The following NRXN1 variants were observed in gnomAD, a reference collection of about 807,000 sequenced individuals.
The protein encoded by NRXN1 is neurexin-1.
NRXN1 carries 39 observed loss-of-function variants against 150.9 expected under a neutral mutation model. The observed-to-expected ratio is 0.26, with a 90% CI of 0.20 to 0.34. NRXN1 has a LOEUF of 0.34. Among genes scored for constraint, NRXN1 ranks in the 10% least tolerant of loss-of-function variants. NRXN1 has a pLI of 1.00. For missense variants in NRXN1, 1,815 were observed against 1,949.9 expected, an observed-to-expected ratio of 0.93 and a Z score of 1.30; for synonymous variants, 924 against 757.0, an observed-to-expected ratio of 1.22 and a Z score of -3.62.
chr2:50,283,605 C>T (rs1160875154), intron 17 of NRXN1, among the ~76,000 whole-genome samples: 2 of 152,144 alleles, frequency 1.3e-5, no homozygotes, highest in Admixed American at 6.6e-5. Context: ...CATTATACTA[C>T]TCCTCAAATA....
chr2:50,963,281 G>C (rs1427272459), intron 2 of NRXN1, among the ~76,000 whole-genome samples: 4 of 151,494 alleles, frequency 2.6e-5, no homozygotes, highest in Non-Finnish European at 4.4e-5. Flanking sequence ...CACTGACTCA[G>C]ACATGGCCTT....
At chr2:50,026,483 T>C (rs888018054) in intron 21 of NRXN1, among the ~76,000 whole-genome samples, 2 of 152,186 alleles carry the variant, frequency 1.3e-5, no homozygotes, top group African/African-American at 4.8e-5. Context: ...TGTCATCAGA[T>C]CTGGCAATGT....
intron 5 of NRXN1, among the ~76,000 whole-genome samples, chr2:50,697,463 A>T (rs1302099360): frequency 2.6e-5 from 4 of 152,186 alleles, no homozygotes; most frequent in Admixed American, 2.0e-4. Flanking sequence ...AGATAGAGAA[A>T]TGGATTTTAA....
chr2:49,920,379 G>T lies in NRXN1; in HGVS notation c.*1565C>A, dbSNP rs1667987387. 6.6e-6 allele frequency: 1 copy of T among 152,526 alleles called. No homozygotes were observed. Among genetic ancestry groups the T allele is most frequent in the Non-Finnish European group, 1.5e-5 (1 of 68,018 alleles). The allele number at this position is 152,526 out of a possible 1,614,324, so 9.4% of individuals were successfully genotyped here. On this transcript the variant is annotated 3_prime_UTR_variant, in exon 23 of 23. Coordinates refer to ENST00000401669, the MANE Select transcript of NRXN1 (RefSeq NM_001330078.2). ...GATATATATATTATTTTATTAGAAA[G>T]AAAGTTTTCAATTGCAGCAGCCAGA...
chr2:50,582,903 T>A (rs1385823796), intron 8 of NRXN1, among the ~76,000 whole-genome samples: 2 of 152,130 alleles, frequency 1.3e-5, no homozygotes, highest in African/African-American at 2.4e-5. Flanking sequence ...CTTGCAAAAA[T>A]TCTAATGTCT....
intron 5 of NRXN1, among the ~76,000 whole-genome samples, chr2:50,876,892 AT>A (rs1482163555): frequency 4.0e-5 from 6 of 151,854 alleles, no homozygotes; most frequent in African/African-American, 2.4e-5. Context: ...AAAACAAAAA[AT>A]AATCTGATTC....
chr2:50,836,312 AT>A (rs1672095613), intron 5 of NRXN1, among the ~76,000 whole-genome samples: 2 of 152,170 alleles, frequency 1.3e-5, no homozygotes, highest in South Asian at 2.1e-4. Flanking sequence ...TATACTTACC[AT>A]TTTTTTGTGG....
intron 1 of NRXN1, among the ~76,000 whole-genome samples, chr2:51,030,649 A>G (rs1413527867): frequency 6.6e-6 from 1 of 152,134 alleles, no homozygotes; most frequent in Non-Finnish European, 1.5e-5. Flanking sequence ...ATTATGGCTG[A>G]TACATTCCAC....
chr2:50,659,649 T>C (rs1300267621), intron 5 of NRXN1, among the ~76,000 whole-genome samples: 1 of 151,862 alleles, frequency 6.6e-6, no homozygotes, highest in African/African-American at 2.4e-5. Flanking sequence ...TTCTGTACAG[T>C]GTAAGTTGAA....
At chr2:50,590,676 G>T (rs1167259135) in intron 8 of NRXN1, among the ~76,000 whole-genome samples, 1 of 152,134 alleles carries the variant, frequency 6.6e-6, no homozygotes, top group Non-Finnish European at 1.5e-5. Context: ...ATAAAAGAGA[G>T]CCCAGAGAGC....
At chr2:50,615,178 C>G (rs1277174904) in intron 8 of NRXN1, among the ~76,000 whole-genome samples, 2 of 152,144 alleles carry the variant, frequency 1.3e-5, no homozygotes, top group East Asian at 3.9e-4. Flanking sequence ...AGTGGGACTT[C>G]ATTCCCCTTA....
chr2:50,336,181 G>A (rs551916318), intron 17 of NRXN1, among the ~76,000 whole-genome samples: 1 of 152,284 alleles, frequency 6.6e-6, no homozygotes, highest in South Asian at 2.1e-4. Flanking sequence ...TGGAATGTGT[G>A]AAATGCCAGT....
chr2:50,592,953 C>A (rs13000907), intron 8 of NRXN1, among the ~76,000 whole-genome samples: 33,307 of 152,108 alleles, frequency 0.22, 4,564 homozygotes, highest in East Asian at 0.43. Context: ...AGGAAGGCCT[C>A]GTAGCCAAAT....
At chr2:50,054,041 T>C (rs1354233162) in intron 20 of NRXN1, among the ~76,000 whole-genome samples, 3 of 152,208 alleles carry the variant, frequency 2.0e-5, no homozygotes, top group Non-Finnish European at 2.9e-5. Flanking sequence ...ATAATTCACA[T>C]AATGTCCACA....
intron 2 of NRXN1, among the ~76,000 whole-genome samples, chr2:50,934,775 G>T (rs1558448020): frequency 6.6e-6 from 1 of 152,118 alleles, no homozygotes; most frequent in Non-Finnish European, 1.5e-5. Context: ...TTACATTTGT[G>T]CAATATGGAG....
At chr2:49,985,764 A>AATGAG (rs1314666730) in intron 21 of NRXN1, among the ~76,000 whole-genome samples, 8 of 152,218 alleles carry the variant, frequency 5.3e-5, no homozygotes, top group African/African-American at 1.4e-4. Context: ...CTGTCATGCA[A>AATGAG]ATGAGTGAGA....
At chr2:49,971,976 A>C (rs1307106038) in intron 21 of NRXN1, among the ~76,000 whole-genome samples, 1 of 152,166 alleles carries the variant, frequency 6.6e-6, no homozygotes, top group Non-Finnish European at 1.5e-5. Context: ...TACATTAATT[A>C]ATGTATTAAT....
At chr2:50,086,228 A>T (rs985300529) in intron 19 of NRXN1, among the ~76,000 whole-genome samples, 1 of 152,194 alleles carries the variant, frequency 6.6e-6, no homozygotes, top group Non-Finnish European at 1.5e-5. Context: ...GCAATCTCTA[A>T]ATAATAGAGT....
intron 8 of NRXN1, among the ~76,000 whole-genome samples, chr2:50,617,624 A>G (rs1679270772): frequency 6.6e-6 from 1 of 152,188 alleles, no homozygotes. Flanking sequence ...GTGTCCAATC[A>G]ATAAAGAAGA....
Sources: gnomAD v4.1 joint callset for allele counts (sites outside exome capture counted in the v4.1 genomes callset) on GRCh38, gnomAD v4.1.1 for gene constraint, MANE v1.5 for transcripts, NCBI Gene and HGNC (gene_info 2026-07-23, HGNC 2026-07-21) for gene names.